API5: variants seen among roughly 807,000 people sequenced by gnomAD.
The protein encoded by API5 is apoptosis inhibitor 5.
Under a neutral mutation model 71.9 loss-of-function variants are expected in API5, and 6 were observed. The ratio of observed to expected loss-of-function variants is 0.08; its 90% CI spans 0.05 to 0.16. The LOEUF (loss-of-function observed/expected upper bound fraction) is 0.16, where lower values mean the gene tolerates loss of function less well. API5 is among the 10% of genes least tolerant of loss of function. The pLI is 1.00. For missense variants in API5, 332 were observed against 612.8 expected, an observed-to-expected ratio of 0.54 and a Z score of 4.84; for synonymous variants, 189 against 221.3, an observed-to-expected ratio of 0.85 and a Z score of 1.30.
chr11:43,328,423 C>A (rs1236123003), intron 8 of API5, among the ~76,000 whole-genome samples: 1 of 152,020 alleles, frequency 6.6e-6, no homozygotes, highest in Non-Finnish European at 1.5e-5. Context: ...GGAAGGTTAC[C>A]CTAACTCTCA....
At chr11:43,312,387 G>T (rs1005329100) in intron 1 of API5, among the ~76,000 whole-genome samples, 191 bp downstream of exon 1, 17 of 152,026 alleles carry the variant, frequency 1.1e-4, no homozygotes, top group Admixed American at 1.1e-3. Context: ...GGGAGACCGC[G>T]GTCCCCAGGG....
chr11:43,331,638 G>A lies in API5; in HGVS notation c.1278+1074G>A, dbSNP rs149782661. ...GCAAAAGAGGTGGAAGGAGAGGCAG[G>A]CACACTAGGTGTAACTTTTATTGGA... On this transcript the variant is annotated intron_variant, in intron 11 of 13. Coordinates refer to ENST00000531273, the MANE Select transcript of API5 (RefSeq NM_001142930.2). Among the ~76,000 whole-genome samples, 598 of 152,194 alleles carry A rather than the reference G, an allele frequency of 3.9e-3. 6 individuals carry two copies. The highest frequency in any genetic ancestry group is 0.014 in the African/African-American group (572 of 41,520).
At chr11:43,321,355 G>T in intron 3 of API5, 56 bp from the exon 4 acceptor site, 1 of 1,394,184 alleles carries the variant, frequency 7.2e-7, no homozygotes, top group African/African-American at 1.4e-5. Flanking sequence ...TGAAACTGAA[G>T]CAGATGATAT....
chr11:43,317,640 G>A (rs923714216), intron 1 of API5, among the ~76,000 whole-genome samples: 1 of 152,128 alleles, frequency 6.6e-6, no homozygotes, highest in African/African-American at 2.4e-5. Context: ...AGTAAATACA[G>A]TGCAATTCTT....
In API5 at chr11:43,337,849, TGAA is replaced by T. The variant is rs148584341; in HGVS notation, c.1492+1858_1492+1860del. On this transcript the variant is annotated intron_variant, in intron 13 of 13. Transcript: ENST00000531273. ...TTGGACAAGTCAATTTGATTTTACATGAAGATTCTATTGTGTAAAACTCATTGC... is the reference window on the plus strand; with the variant it reads ...TTGGACAAGTCAATTTGATTTTACATGATTCTATTGTGTAAAACTCATTGC... Among the ~76,000 whole-genome samples, 730 of 152,336 alleles carry T rather than the reference TGAA, an allele frequency of 4.8e-3. 7 individuals carry two copies. Among genetic ancestry groups the T allele is most frequent in the African/African-American group, 0.017 (695 of 41,582 alleles).
intron 13 of API5, among the ~76,000 whole-genome samples, chr11:43,341,140 G>A (rs889709472): frequency 1.1e-4 from 16 of 152,054 alleles, no homozygotes; most frequent in African/African-American, 3.9e-4. Context: ...AAAAGAAGAC[G>A]TACAAATGGC....
In API5 at chr11:43,328,657, T is replaced by C; in HGVS notation, c.946-55T>C. 12 of 1,486,298 alleles carry C rather than the reference T, an allele frequency of 8.1e-6. 1 individual carries two copies. In the South Asian group the frequency reaches 1.3e-4, roughly 16 times the overall value. The allele number at this position is 1,486,298 out of a possible 1,614,324, so 92.1% of individuals were successfully genotyped here. A position where few individuals can be genotyped will look rare whatever the true frequency, so the allele number is the denominator to read the frequency against. On this transcript the variant is annotated intron_variant, in intron 8 of 13. Coordinates refer to ENST00000531273, the MANE Select transcript of API5 (RefSeq NM_001142930.2). ...GCACTGTAATTCCCTGAATATCTGT[T>C]TATAATTTGAATATGTAGAACAGAT... is the stretch of plus-strand genomic sequence containing the variant.
At chr11:43,318,507 C>T in intron 1 of API5, 133 bp from the exon 2 acceptor site, 2 of 1,543,122 alleles carry the variant, frequency 1.3e-6, no homozygotes, top group African/African-American at 1.4e-5. Context: ...GAGCAGTAAA[C>T]CTCCCAAAAT....
chr11:43,323,669 G>C (rs375743976), intron 6 of API5, 33 bp downstream of exon 6: 2 of 1,579,422 alleles, frequency 1.3e-6, no homozygotes, highest in South Asian at 2.2e-5. Flanking sequence ...CCCGGTATTA[G>C]CTATATATAT....
At chr11:43,318,598 C>T in intron 1 of API5, 42 bp from the exon 2 acceptor site, 1 of 1,602,544 alleles carries the variant, frequency 6.2e-7, no homozygotes, top group Non-Finnish European at 8.5e-7. Flanking sequence ...GCTTCCCATC[C>T]TTCAAAATCA....
intron 13 of API5, 76 bp from the exon 14 acceptor site, chr11:43,342,352 T>C (rs1204500619): frequency 2.6e-5 from 32 of 1,236,782 alleles, no homozygotes; most frequent in African/African-American, 7.5e-5. Context: ...TTCAGAGTTA[T>C]GAGCTACGTT....
chr11:43,314,017 G>A (rs973622747), intron 1 of API5, among the ~76,000 whole-genome samples: 11 of 152,058 alleles, frequency 7.2e-5, no homozygotes, highest in African/African-American at 1.9e-4. Flanking sequence ...TGAACCCGGA[G>A]GGTGGAGGTT....
chr11:43,320,402 T>G (rs1185884161), intron 2 of API5, among the ~76,000 whole-genome samples: 1 of 152,082 alleles, frequency 6.6e-6, no homozygotes, highest in Non-Finnish European at 1.5e-5. Flanking sequence ...TTTTTGTGAC[T>G]CGTATGCCCC....
rs771993736 is a variant in API5 at position 43,330,041 on chromosome 11, G to A, written c.1204G>A (p.Ala402Thr). 6 of 1,613,642 alleles carry A rather than the reference G, an allele frequency of 3.7e-6. No individual in the cohort carries two copies. The South Asian group carries it at 6.6e-5, about 18-fold the overall frequency. The change falls in exon 10 of 14, where the codon GCC (alanine) becomes ACC (threonine). Residue 402 changes from alanine (A) to threonine (T), a missense_variant. Transcript: ENST00000531273. ...AGCTCTCCAGGGTAAAACGGGTGAGGCCTTAAAAACAGAAGAGGTAAGAAT... is the reference window on the plus strand; with the variant it reads ...AGCTCTCCAGGGTAAAACGGGTGAGACCTTAAAAACAGAAGAGGTAAGAAT... ...RLALQGKTGEALKTEENKIKV... is the reference protein window; with the variant it reads ...RLALQGKTGETLKTEENKIKV...
At chr11:43,321,568 C>G in intron 4 of API5, 92 bp downstream of exon 4, 3 of 1,028,696 alleles carry the variant, frequency 2.9e-6, no homozygotes, top group Non-Finnish European at 4.3e-6. Flanking sequence ...TAGGGTTTAC[C>G]CAGAGTTCTA....
intron 13 of API5, among the ~76,000 whole-genome samples, chr11:43,338,151 A>G (rs1419729133): frequency 2.6e-5 from 4 of 152,216 alleles, no homozygotes; most frequent in East Asian, 1.9e-4. Context: ...AATTTCTGCA[A>G]TTATTTTACA....
At chr11:43,318,507 C>A in intron 1 of API5, 133 bp from the exon 2 acceptor site, 4 of 1,543,120 alleles carry the variant, frequency 2.6e-6, no homozygotes, top group South Asian at 1.2e-5. Flanking sequence ...GAGCAGTAAA[C>A]CTCCCAAAAT....
rs974856081 is a variant in API5 at position 43,322,147 on chromosome 11, G to A, written c.543+11G>A. On this transcript the variant is annotated intron_variant, in intron 5 of 13. Transcript: ENST00000531273. ...ACTGAATCCAAAAAGGTGAGCTTTG[G>A]TCTTCATTTGGTGGAAATTCTCTAA... 1 of 1,583,008 alleles carries A rather than the reference G, an allele frequency of 6.3e-7. No individual in the cohort carries two copies. The highest frequency in any genetic ancestry group is 8.6e-7 in the Non-Finnish European group (1 of 1,167,542).
At chr11:43,341,007 A>C (rs1590276900) in intron 13 of API5, among the ~76,000 whole-genome samples, 1 of 152,346 alleles carries the variant, frequency 6.6e-6, no homozygotes, top group East Asian at 1.9e-4. Flanking sequence ...AATGGGAGAA[A>C]ATATTTGTAA....
Sources: gnomAD v4.1 joint callset for allele counts (sites outside exome capture counted in the v4.1 genomes callset) on GRCh38, gnomAD v4.1.1 for gene constraint, MANE v1.5 for transcripts, NCBI Gene and HGNC (gene_info 2026-07-23, HGNC 2026-07-21) for gene names.